UNC79: variants seen among roughly 807,000 people sequenced by gnomAD.
The protein encoded by UNC79 is unc-79 subunit of NALCN channel complex, also known as protein unc-79 homolog.
UNC79 carries 37 observed loss-of-function variants against 283.1 expected under a neutral mutation model. The ratio of observed to expected loss-of-function variants is 0.13; its 90% CI spans 0.10 to 0.17. The LOEUF (loss-of-function observed/expected upper bound fraction) is 0.17. Ranked by LOEUF, UNC79 falls within the 10% of genes least tolerant of loss-of-function variation. The pLI, the probability that UNC79 is intolerant of heterozygous loss-of-function variation, is 1.00. For synonymous variants in UNC79, 1,107 were observed against 1,200.2 expected (o/e 0.92, Z 1.61); for missense variants, 2,272 against 3,211.1 (o/e 0.71, Z 7.07).
chr14:93,500,544 A>G (rs2059233450), intron 7 of UNC79, among the ~76,000 whole-genome samples: 3 of 152,166 alleles, frequency 2.0e-5, no homozygotes, highest in Non-Finnish European at 4.4e-5. Context: ...GCTGCTTATG[A>G]TATTATCTAA....
intron 1 of UNC79, among the ~76,000 whole-genome samples, chr14:93,459,309 G>A (rs2056880318): frequency 6.6e-6 from 1 of 152,198 alleles, no homozygotes; most frequent in Non-Finnish European, 1.5e-5. Flanking sequence ...AAGGGTGAAA[G>A]GGGTCTGATT....
Position 93,555,260 on chromosome 14 carries a change from A to C in UNC79, c.1755+12564A>C, listed in dbSNP as rs558359973. On this transcript the variant is annotated intron_variant, in intron 14 of 48. Coordinates refer to ENST00000555664, the Ensembl canonical transcript of UNC79. ...TTTATTTAAGCATTTATTTTTCTTTAAGCCAATTCATTGGATGTCTTTTAC... is the reference window on the plus strand; with the variant it reads ...TTTATTTAAGCATTTATTTTTCTTTCAGCCAATTCATTGGATGTCTTTTAC... Among the ~76,000 whole-genome samples, 5 of 151,926 alleles carry C rather than the reference A, an allele frequency of 3.3e-5. No individual in the cohort carries two copies. In the South Asian group the frequency reaches 1.0e-3, roughly 32 times the overall value.
At chr14:93,347,480 GGCGTGCAGGCCTCGC>G (rs902163817) in intron 1 of UNC79, 1 of 1,344,966 alleles carries the variant, frequency 7.4e-7, no homozygotes, top group African/African-American at 1.6e-5. Flanking sequence ...GGGAGGACAC[GGCGTGCAGGCCTCGC>G]GTGGGAGGCT....
chr14:93,534,031 T>C (rs2060948558), intron 11 of UNC79, among the ~76,000 whole-genome samples: 2 of 152,178 alleles, frequency 1.3e-5, no homozygotes, highest in South Asian at 4.1e-4. Flanking sequence ...TTATCTTCCC[T>C]CTCTGCACCC....
At chr14:93,606,173 A>C (rs2065878312) in intron 26 of UNC79, among the ~76,000 whole-genome samples, 1 of 152,188 alleles carries the variant, frequency 6.6e-6, no homozygotes, top group Non-Finnish European at 1.5e-5. Context: ...CCATTTTAAC[A>C]ATCCAACCCA....
Position 93,623,770 on chromosome 14 carries a change from A to G in UNC79, c.5608+929A>G, listed in dbSNP as rs139158791. Among the ~76,000 whole-genome samples the G allele has an allele frequency of 1.7e-4, 26 of 152,240 alleles. 1 individual carries two copies. In the East Asian group the frequency reaches 4.6e-3, roughly 27 times the overall value. On this transcript the variant is annotated intron_variant, in intron 30 of 48. Coordinates refer to ENST00000555664, the Ensembl canonical transcript of UNC79. ...TAGTTGGGCGTGGTGGCGCACGCCT[A>G]TCATCCCAGCTACTCAGGAGGCTGA... is the stretch of plus-strand genomic sequence containing the variant.
Position 93,683,856 on chromosome 14 carries a change from A to C in UNC79, c.6819+1162A>C, listed in dbSNP as rs189928999. ...AGACTTTTCTGTCTCAAAAAAAAAAAAACACACACTTCATCAGGGCATGAA... is the reference window on the plus strand; with the variant it reads ...AGACTTTTCTGTCTCAAAAAAAAAACAACACACACTTCATCAGGGCATGAA... On this transcript the variant is annotated intron_variant, in intron 42 of 48. Transcript: ENST00000555664. Among the ~76,000 whole-genome samples the C allele has an allele frequency of 4.1e-3, 620 of 151,726 alleles. 6 individuals are homozygous for C. The highest frequency in any genetic ancestry group is 0.014 in the Middle Eastern group (4 of 292).
chr14:93,411,502 G>GCTGTGCTGACCCAGTGCAGTC (rs2055335488), intron 1 of UNC79, among the ~76,000 whole-genome samples: 1 of 152,250 alleles, frequency 6.6e-6, no homozygotes, highest in Admixed American at 6.5e-5. Context: ...GAGGCCCAGT[G>GCTGTGCTGACCCAGTGCAGTC]CTGTGCTGAC....
rs370193468 is a variant in UNC79 at position 93,617,076 on chromosome 14, G to T, written c.4042-46G>T. ...AAATTTTTCCTTTTGACCTCTGAGT[G>T]TTCTTTGTAGTTTTCCATCAGTTAT... On this transcript the variant is annotated intron_variant, in intron 27 of 48. Coordinates refer to ENST00000555664, the Ensembl canonical transcript of UNC79. The surrounding 1 kb of genome is among the most constrained non-coding windows in gnomAD (Gnocchi z 4.5). 1 of 1,545,760 alleles carries T rather than the reference G, an allele frequency of 6.5e-7. No homozygotes were observed. Among genetic ancestry groups the T allele is most frequent in the South Asian group, 1.3e-5 (1 of 79,224 alleles).
intron 1 of UNC79, among the ~76,000 whole-genome samples, chr14:93,391,891 A>T (rs150931333): frequency 3.3e-5 from 5 of 152,378 alleles, no homozygotes; most frequent in African/African-American, 1.2e-4. Flanking sequence ...TGAATTGCAA[A>T]CTAAAAGAAG....
At chr14:93,561,618 A>G (rs1595874837) in intron 14 of UNC79, among the ~76,000 whole-genome samples, 1 of 152,294 alleles carries the variant, frequency 6.6e-6, no homozygotes, top group East Asian at 1.9e-4. Flanking sequence ...TGGTGGAGAT[A>G]GCTGGGGAGA....
chr14:93,360,628 G>C (rs562821139), intron 1 of UNC79, among the ~76,000 whole-genome samples: 1 of 152,304 alleles, frequency 6.6e-6, no homozygotes, highest in Admixed American at 6.5e-5. Flanking sequence ...CAACTTTCCA[G>C]CTTTGTGTCA....
chr14:93,655,093 A>G (rs1165939308), intron 37 of UNC79, 141 bp from the exon 41 acceptor site: 16 of 793,970 alleles, frequency 2.0e-5, no homozygotes, highest in East Asian at 1.9e-4. Flanking sequence ...CTTCCAGTCT[A>G]TCACAGGGAT....
At chr14:93,662,547 T>A (rs2071710967) in intron 39 of UNC79, 57 bp from the exon 43 acceptor site, 1 of 1,198,384 alleles carries the variant, frequency 8.3e-7, no homozygotes, top group African/African-American at 1.5e-5. Context: ...ATTTTAATAC[T>A]TTTTTTGAAA....
Position 93,501,359 on chromosome 14 carries a change from T to A in UNC79, c.898+4073T>A, listed in dbSNP as rs116953093. Among the ~76,000 whole-genome samples, 512 of 151,334 alleles carry A rather than the reference T, an allele frequency of 3.4e-3. 9 individuals carry two copies. In the South Asian group the frequency reaches 0.05, roughly 15 times the overall value. On this transcript the variant is annotated intron_variant, in intron 7 of 48. Transcript: ENST00000555664. ...AAATAAATTAAAAAAAAAAGCAAAA[T>A]TTTTTTTTAAAAAGGAAAATTTACT...
chr14:93,344,615 C>CA (rs2053784467), intron 1 of UNC79, among the ~76,000 whole-genome samples: 1 of 152,214 alleles, frequency 6.6e-6, no homozygotes, highest in Non-Finnish European at 1.5e-5. Flanking sequence ...GACTGGGTCC[C>CA]AGCCCTCTCT....
chr14:93,375,975 T>A (rs2054550690), intron 1 of UNC79, among the ~76,000 whole-genome samples: 1 of 152,116 alleles, frequency 6.6e-6, no homozygotes, highest in Non-Finnish European at 1.5e-5. Flanking sequence ...CTTCACCACG[T>A]GATTCCCTGT....
chr14:93,579,217 T>C (rs2063642544), intron 18 of UNC79, among the ~76,000 whole-genome samples: 1 of 152,248 alleles, frequency 6.6e-6, no homozygotes, highest in Admixed American at 6.5e-5. Flanking sequence ...ACTGTGATGA[T>C]AACTTTGGTC....
In UNC79 at chr14:93,380,823, T is replaced by C. The variant is rs185285701; in HGVS notation, c.-351+47300T>C. On this transcript the variant is annotated intron_variant, in intron 1 of 49. Coordinates refer to the UNC79 transcript ENST00000256339. ...CTTATACTCATGTTTTTGCCAAAAT[T>C]GTAATATATAGCCACACTGCAGAGA... 2.6e-3 allele frequency among the ~76,000 whole-genome samples: 399 copies of C among 152,326 alleles called. 4 individuals carry two copies. Among genetic ancestry groups the C allele is most frequent in the African/African-American group, 9.1e-3 (380 of 41,578 alleles).
Sources: allele counts gnomAD v4.1 joint callset (sites outside exome capture counted in the v4.1 genomes callset), GRCh38; gene constraint gnomAD v4.1.1; non-coding constraint Gnocchi (gnomAD v3.1); transcripts MANE v1.5; gene names NCBI Gene and HGNC (gene_info 2026-07-23, HGNC 2026-07-21).